The following ADCY8 variants were observed in gnomAD, a reference collection of about 807,000 sequenced individuals.
The protein encoded by ADCY8 is adenylate cyclase 8.
ADCY8 carries 51 observed loss-of-function variants against 119.7 expected under a neutral mutation model. The ratio of observed to expected loss-of-function variants is 0.43; its 90% confidence interval spans 0.34 to 0.54. ADCY8 has a LOEUF of 0.54. Among genes scored for constraint, ADCY8 ranks in the 20% least tolerant of loss-of-function variants. ADCY8 has a pLI of 0.03. For missense variants in ADCY8, 1,383 were observed against 1,598.8 expected (o/e 0.87, Z 2.30); for synonymous variants, 665 against 651.0 (o/e 1.02, Z -0.33).
chr8:130,896,147 C>T (rs1405618749), intron 7 of ADCY8, among the ~76,000 whole-genome samples: 2 of 152,114 alleles, frequency 1.3e-5, no homozygotes, highest in Non-Finnish European at 2.9e-5. Context: ...TTTCCCTCAT[C>T]TACTACTCTA....
chr8:130,966,635 C>T (rs374595842), intron 2 of ADCY8, among the ~76,000 whole-genome samples: 14 of 152,158 alleles, frequency 9.2e-5, no homozygotes, highest in African/African-American at 2.9e-4. Flanking sequence ...TGACAGCAAG[C>T]GGCAGCATAG....
intron 1 of ADCY8, among the ~76,000 whole-genome samples, chr8:131,033,249 A>C (rs967093331): frequency 1.3e-5 from 2 of 152,230 alleles, no homozygotes; most frequent in Non-Finnish European, 2.9e-5. Flanking sequence ...GCATCTTAAG[A>C]AATATTTAGA....
intron 5 of ADCY8, among the ~76,000 whole-genome samples, chr8:130,913,251 A>T (rs117721756): frequency 6.6e-6 from 1 of 152,206 alleles, no homozygotes; most frequent in Middle Eastern, 3.4e-3. Flanking sequence ...ATTATTGACT[A>T]TAGTCTGTTG....
chr8:130,937,057 G>A lies in ADCY8; in HGVS notation c.1481+16C>T, dbSNP rs1168168651. The stretch of plus-strand genomic sequence containing the variant: ...ACATTGAAGACCCAGGTAACATGAT[G>A]GGGATCACAAATTACCTGATGGTTT... On this transcript the variant is annotated intron_variant, in intron 5 of 17. Transcript: ENST00000286355. 6.2e-7 allele frequency: 1 copy of A among 1,603,164 alleles called. No homozygotes were observed. Among genetic ancestry groups the A allele is most frequent in the African/African-American group, 1.3e-5 (1 of 74,682 alleles).
intron 1 of ADCY8, among the ~76,000 whole-genome samples, chr8:131,001,842 C>G (rs1327920568): frequency 6.6e-6 from 1 of 151,988 alleles, no homozygotes; most frequent in African/African-American, 2.4e-5. Context: ...TTAAAGTCTT[C>G]TATATTTACG....
chr8:131,008,518 C>T (rs559949735), intron 1 of ADCY8, among the ~76,000 whole-genome samples: 5 of 152,312 alleles, frequency 3.3e-5, no homozygotes, highest in African/African-American at 9.6e-5. Flanking sequence ...GAGGCCTCTC[C>T]AGCCAGCCAT....
rs1411210474 is a variant in ADCY8, at chr8:130,839,734, CT to C, written c.2503-3286del. Among the ~76,000 whole-genome samples the C allele has an allele frequency of 2.1e-5, 3 of 139,912 alleles. 1 individual carries two copies. The highest frequency in any genetic ancestry group is 2.2e-4 in the East Asian group (1 of 4,516). 91.8% of individuals were successfully genotyped at this position (139,912 alleles called of 152,430 possible). On this transcript the variant is annotated intron_variant, in intron 11 of 17. Coordinates refer to ENST00000286355, the MANE Select transcript of ADCY8 (RefSeq NM_001115.3). The stretch of plus-strand genomic sequence containing the variant: ...AGGCCCACAGCTCCTAAAGTGTCCC[CT>C]AAATGGATCCTGGGTATAAGGGGCT...
intron 2 of ADCY8, among the ~76,000 whole-genome samples, chr8:130,954,733 A>C (rs1274640439): frequency 6.6e-6 from 1 of 152,238 alleles, no homozygotes; most frequent in Non-Finnish European, 1.5e-5. Flanking sequence ...CTAGATCATA[A>C]ATAGCAAAGA....
At chr8:130,971,972 T>C (rs1268944288) in intron 2 of ADCY8, among the ~76,000 whole-genome samples, 3 of 152,198 alleles carry the variant, frequency 2.0e-5, no homozygotes, top group African/African-American at 7.2e-5. Context: ...ACAATTTACA[T>C]AGAGAATAAT....
intron 5 of ADCY8, among the ~76,000 whole-genome samples, chr8:130,921,231 A>G (rs1223198381): frequency 6.6e-6 from 1 of 152,186 alleles, no homozygotes; most frequent in Non-Finnish European, 1.5e-5. Flanking sequence ...CTTTCTTTTT[A>G]TAAAAATAGA....
intron 8 of ADCY8, among the ~76,000 whole-genome samples, chr8:130,878,302 T>C (rs1818641883): frequency 6.6e-6 from 1 of 152,190 alleles, no homozygotes; most frequent in Non-Finnish European, 1.5e-5. Flanking sequence ...CAACTTGTCA[T>C]TACCCATTAT....
rs575656357 is a variant in ADCY8 at position 130,880,627 on chromosome 8, C to T, written c.2109+3937G>A. On this transcript the variant is annotated intron_variant, in intron 8 of 17. Coordinates refer to ENST00000286355, the MANE Select transcript of ADCY8 (RefSeq NM_001115.3). The stretch of plus-strand genomic sequence containing the variant: ...TTGGCAACTGCAATAGGTCTCCTCT[C>T]CCCTATCCAGAGTTCTGCTTAGAAA... Among the ~76,000 whole-genome samples the T allele has an allele frequency of 1.0e-3, 159 of 152,262 alleles. 5 individuals carry two copies. The South Asian group carries it at 0.032, about 30-fold the overall frequency.
At chr8:130,882,488 GTCT>G (rs1368406923) in intron 8 of ADCY8, among the ~76,000 whole-genome samples, 2 of 152,074 alleles carry the variant, frequency 1.3e-5, no homozygotes, top group Admixed American at 1.3e-4. Context: ...GCACGGGATT[GTCT>G]TCTTCGTACG....
intron 9 of ADCY8, among the ~76,000 whole-genome samples, chr8:130,861,781 C>G (rs1817937184): frequency 6.6e-6 from 1 of 150,872 alleles, no homozygotes; most frequent in African/African-American, 2.4e-5. Flanking sequence ...CAGTCTTTTT[C>G]CACTAAAGAT....
chr8:130,812,580 A>G (rs901251865), intron 14 of ADCY8, among the ~76,000 whole-genome samples: 5 of 152,240 alleles, frequency 3.3e-5, no homozygotes, highest in African/African-American at 1.2e-4. Flanking sequence ...CACAGCCAAG[A>G]AACTCCTGGG....
rs1815816575 is a variant in ADCY8, at chr8:130,802,616, C to T, written c.2914-2044G>A. 3.3e-5 allele frequency among the ~76,000 whole-genome samples: 5 copies of T among 152,310 alleles called. 1 individual carries two copies. The South Asian group carries it at 1.0e-3, about 32-fold the overall frequency. On this transcript the variant is annotated intron_variant, in intron 14 of 17. Coordinates refer to ENST00000286355, the MANE Select transcript of ADCY8 (RefSeq NM_001115.3). Reference sequence around the variant, plus strand: ...CCACCTATCTCTTCAGCTTTATTGTCTGCAACTCCCCAGTTGGATATGTGC... The same window carrying T: ...CCACCTATCTCTTCAGCTTTATTGTTTGCAACTCCCCAGTTGGATATGTGC...
chr8:130,861,821 G>C (rs1817939728), intron 9 of ADCY8, among the ~76,000 whole-genome samples: 1 of 151,526 alleles, frequency 6.6e-6, no homozygotes, highest in Non-Finnish European at 1.5e-5. Flanking sequence ...TTTTTTGGGA[G>C]ATATTCTTTA....
intron 2 of ADCY8, among the ~76,000 whole-genome samples, chr8:130,953,039 T>C (rs1483422608): frequency 1.3e-5 from 2 of 152,202 alleles, no homozygotes; most frequent in Non-Finnish European, 2.9e-5. Context: ...ATGGGTTAAC[T>C]AGCAACATGA....
At chr8:130,814,450 C>T (rs1024815302) in intron 13 of ADCY8, among the ~76,000 whole-genome samples, 2 of 152,224 alleles carry the variant, frequency 1.3e-5, no homozygotes, top group Non-Finnish European at 2.9e-5. Context: ...TTATTGCCCC[C>T]TGTGATTTCA....
Sources: allele counts gnomAD v4.1 joint callset (sites outside exome capture counted in the v4.1 genomes callset), GRCh38; gene constraint gnomAD v4.1.1; transcripts MANE v1.5; gene names NCBI Gene and HGNC (gene_info 2026-07-23, HGNC 2026-07-21).